RIMS2: variants seen among roughly 807,000 people sequenced by gnomAD.
RIMS2 encodes the protein regulating synaptic membrane exocytosis protein 2.
A neutral mutation model predicts 174.4 loss-of-function variants in RIMS2; 59 were observed. The observed-to-expected ratio is 0.34, with a 90% CI of 0.27 to 0.42. RIMS2 has a LOEUF of 0.42. Among genes scored for constraint, RIMS2 ranks in the 10% least tolerant of loss-of-function variants. The pLI is 1.00. For missense variants in RIMS2, 1,620 were observed against 1,666.3 expected (o/e 0.97, Z 0.48); for synonymous variants, 606 against 572.5 (o/e 1.06, Z -0.84).
At chr8:103,630,580 C>CAAAAAA (rs61194218) in intron 1 of RIMS2, among the ~76,000 whole-genome samples, 27 of 86,926 alleles carry the variant, frequency 3.1e-4, no homozygotes, top group Admixed American at 6.7e-4. Flanking sequence ...AACTCCATCT[C>CAAAAAA]AAAAAAAAAA....
chr8:104,251,857 T>G, exon 24 of RIMS2: 3 of 673,550 alleles, frequency 4.5e-6, no homozygotes, highest in Non-Finnish European at 4.1e-6. Context: ...CAACCAGCGT[T>G]ACAAAAAAAA....
chr8:103,563,695 T>G (rs1279753339), intron 1 of RIMS2, among the ~76,000 whole-genome samples: 1 of 152,176 alleles, frequency 6.6e-6, no homozygotes, highest in African/African-American at 2.4e-5. Context: ...TGGTACCAAT[T>G]TACTGTATTA....
At chr8:103,517,630 TA>T (rs1829605563) in intron 1 of RIMS2, among the ~76,000 whole-genome samples, 2 of 152,194 alleles carry the variant, frequency 1.3e-5, no homozygotes, top group South Asian at 4.1e-4. Flanking sequence ...ACCTTGCTGG[TA>T]TGTATTAACA....
chr8:104,243,330 G>T (rs1318206085), intron 19 of RIMS2, among the ~76,000 whole-genome samples: 1 of 152,178 alleles, frequency 6.6e-6, no homozygotes, highest in Non-Finnish European at 1.5e-5. Flanking sequence ...GTACTTCTAA[G>T]AGACTTGGTG....
chr8:103,671,395 A>G (rs2096742763), intron 1 of RIMS2, among the ~76,000 whole-genome samples: 1 of 152,202 alleles, frequency 6.6e-6, no homozygotes, highest in Non-Finnish European at 1.5e-5. Context: ...AAAACCTGGC[A>G]AAGTATTTTC....
At chr8:103,851,703 A>G (rs2098999477) in intron 3 of RIMS2, among the ~76,000 whole-genome samples, 2 of 151,112 alleles carry the variant, frequency 1.3e-5, no homozygotes, top group African/African-American at 4.9e-5. Flanking sequence ...AGGCAACTCA[A>G]AAGTTTAAGA....
intron 2 of RIMS2, among the ~76,000 whole-genome samples, chr8:103,738,720 G>T (rs1222374669): frequency 2.6e-5 from 4 of 151,934 alleles, no homozygotes; most frequent in Admixed American, 2.6e-4. Context: ...TGGGCAAAGG[G>T]TATGAACAGA....
At chr8:104,144,878 G>A (rs183691481) in intron 19 of RIMS2, among the ~76,000 whole-genome samples, 44 of 152,044 alleles carry the variant, frequency 2.9e-4, no homozygotes, top group African/African-American at 1.1e-3. Context: ...AAAACTCTGG[G>A]ATTTGAATTT....
At chr8:104,149,843 T>C (rs2098674946) in intron 19 of RIMS2, among the ~76,000 whole-genome samples, 1 of 152,200 alleles carries the variant, frequency 6.6e-6, no homozygotes. Flanking sequence ...AATTTAGTCT[T>C]ATTTAACAAT....
intron 14 of RIMS2, among the ~76,000 whole-genome samples, chr8:103,951,434 T>G (rs2085330682): frequency 6.6e-6 from 1 of 152,122 alleles, no homozygotes; most frequent in Non-Finnish European, 1.5e-5. Context: ...TGGGACTGCT[T>G]GGAAGTGGGT....
chr8:103,921,535 T>G (rs7841847), intron 9 of RIMS2, 137 bp from the exon 13 acceptor site: 204,465 of 557,348 alleles, frequency 0.37, 41,539 homozygotes, highest in Non-Finnish European at 0.42. Context: ...TTGGAATGTT[T>G]TGTCTAAGAA....
intron 4 of RIMS2, among the ~76,000 whole-genome samples, chr8:103,902,911 C>A (rs2073519759): frequency 6.6e-6 from 1 of 152,026 alleles, no homozygotes; most frequent in Non-Finnish European, 1.5e-5. Context: ...TTACTCAGTG[C>A]CCTTTAACAT....
intron 19 of RIMS2, among the ~76,000 whole-genome samples, chr8:104,080,680 A>G (rs559061829): frequency 1.3e-5 from 2 of 152,208 alleles, no homozygotes; most frequent in African/African-American, 4.8e-5. Context: ...TCAGCTAATT[A>G]TAATACAAAT....
chr8:104,247,080 T>C (rs2099337739), intron 20 of RIMS2, among the ~76,000 whole-genome samples: 1 of 152,106 alleles, frequency 6.6e-6, no homozygotes. Flanking sequence ...AGCTAGGGAA[T>C]GGTGGCTTGG....
chr8:103,649,648 C>CT (rs71575979), intron 1 of RIMS2, among the ~76,000 whole-genome samples: 9,101 of 143,362 alleles, frequency 0.063, 804 homozygotes, highest in African/African-American at 0.2. Context: ...CCTTTTCATT[C>CT]TTTTTTTTTT....
exon 9 of RIMS2, chr8:103,918,464 G>C: frequency 6.2e-7 from 1 of 1,601,154 alleles, no homozygotes; most frequent in Non-Finnish European, 8.5e-7. Flanking sequence ...ATACCTGATA[G>C]CACACATGCA....
chr8:103,657,424 A>G (rs1262825111), intron 1 of RIMS2, among the ~76,000 whole-genome samples: 1 of 152,212 alleles, frequency 6.6e-6, no homozygotes, highest in Admixed American at 6.5e-5. Context: ...CTCACAAGGC[A>G]CTATCCTCTA....
At chr8:103,951,772 A>G (rs534040239) in intron 14 of RIMS2, among the ~76,000 whole-genome samples, 2 of 152,332 alleles carry the variant, frequency 1.3e-5, no homozygotes, top group East Asian at 3.9e-4. Context: ...TCTCCTGGAA[A>G]GTGGGCTGAA....
rs1164329994 is a variant in RIMS2 at position 103,697,557 on chromosome 8, A to AG, written c.387+261_387+262insG. On this transcript the variant is annotated intron_variant, in intron 2 of 23. Transcript: ENST00000504942. ...AACCCTGTCTCTACGAAAAAAAAAAAAACAAAAAAAACCCACAAAAATTAG... is the reference window on the plus strand; with the variant it reads ...AACCCTGTCTCTACGAAAAAAAAAAAGAACAAAAAAAACCCACAAAAATTAG... Among the ~76,000 whole-genome samples, 7 of 151,080 alleles carry AG rather than the reference A, an allele frequency of 4.6e-5. No homozygotes were observed. The South Asian group carries it at 1.5e-3, about 32-fold the overall frequency.
Sources: allele counts gnomAD v4.1 joint callset (sites outside exome capture counted in the v4.1 genomes callset), GRCh38; gene constraint gnomAD v4.1.1; transcripts MANE v1.5; gene names NCBI Gene and HGNC (gene_info 2026-07-23, HGNC 2026-07-21).